LRRIQ1: variants seen among roughly 807,000 people sequenced by gnomAD.
The protein encoded by LRRIQ1 is leucine rich repeats and IQ motif containing 1.
A neutral mutation model predicts 211.9 loss-of-function variants in LRRIQ1; 210 were observed. The observed-to-expected ratio is 0.99, with a 90% confidence interval of 0.89 to 1.11. The LOEUF is 1.11. Ranked by LOEUF, LRRIQ1 falls within the 50% of genes most tolerant of loss-of-function variation. LRRIQ1 has a pLI of 0.00. For synonymous variants in LRRIQ1, 699 were observed against 650.1 expected (o/e 1.08, Z -1.14); for missense variants, 2,136 against 1,939.5 (o/e 1.10, Z -1.90).
chr12:85,091,552 G>C (rs1885394491), intron 11 of LRRIQ1, among the ~76,000 whole-genome samples: 1 of 151,944 alleles, frequency 6.6e-6, no homozygotes. Flanking sequence ...ATTGCTTTTG[G>C]GGACTTAGTC....
chr12:85,180,733 T>C (rs1891939800), intron 24 of LRRIQ1, among the ~76,000 whole-genome samples: 1 of 151,980 alleles, frequency 6.6e-6, no homozygotes, highest in African/African-American at 2.4e-5. Context: ...AATGAATGTA[T>C]TGAACTTGGC....
chr12:85,050,075 C>T (rs1880116053), intron 6 of LRRIQ1, among the ~76,000 whole-genome samples: 1 of 151,982 alleles, frequency 6.6e-6, no homozygotes, highest in Non-Finnish European at 1.5e-5. Flanking sequence ...TTTTAAATGA[C>T]CAGATCTAAT....
intron 24 of LRRIQ1, among the ~76,000 whole-genome samples, chr12:85,216,065 G>A (rs1001611738): frequency 3.3e-5 from 5 of 152,058 alleles, no homozygotes; most frequent in African/African-American, 4.8e-5. Flanking sequence ...GTACATGTGC[G>A]GAACGTGCAG....
chr12:85,170,476 T>C (rs1250556884), intron 24 of LRRIQ1, among the ~76,000 whole-genome samples: 1 of 150,540 alleles, frequency 6.6e-6, no homozygotes, highest in Non-Finnish European at 1.5e-5. Flanking sequence ...ATATTATATG[T>C]ATATATAATT....
At chr12:85,161,445 A>G (rs1592905804) in intron 24 of LRRIQ1, among the ~76,000 whole-genome samples, 1 of 152,016 alleles carries the variant, frequency 6.6e-6, no homozygotes, top group East Asian at 1.9e-4. Flanking sequence ...ATTTTAGTAT[A>G]AGTTTTTTAT....
At chr12:85,265,514 A>G (rs370990173), downstream of LRRIQ1, among the ~76,000 whole-genome samples, 5 of 152,020 alleles carry the variant, frequency 3.3e-5, no homozygotes, top group African/African-American at 7.2e-5. Flanking sequence ...TTACTTACCT[A>G]GATGGAGTTG....
intron 24 of LRRIQ1, among the ~76,000 whole-genome samples, chr12:85,205,245 T>A (rs1490866062): frequency 6.6e-6 from 1 of 152,214 alleles, no homozygotes. Context: ...CTCTTTCTTT[T>A]GTAAATTTCC....
chr12:85,108,528 A>G (rs1316173049), intron 15 of LRRIQ1, among the ~76,000 whole-genome samples: 2 of 152,028 alleles, frequency 1.3e-5, no homozygotes, highest in Non-Finnish European at 2.9e-5. Flanking sequence ...CTGAATTTAG[A>G]TGGCTTTTTC....
At chr12:85,042,761 A>G (rs1879049913) in intron 3 of LRRIQ1, among the ~76,000 whole-genome samples, 1 of 152,010 alleles carries the variant, frequency 6.6e-6, no homozygotes, top group Admixed American at 6.6e-5. Context: ...AGAGGTGGAA[A>G]GAGATTTTTC....
chr12:85,158,438 G>T (rs976088958), intron 23 of LRRIQ1, among the ~76,000 whole-genome samples: 3 of 151,144 alleles, frequency 2.0e-5, no homozygotes, highest in African/African-American at 4.9e-5. Flanking sequence ...GCAAAAAATG[G>T]GTAATAATAA....
chr12:85,074,723 T>C (rs1294455271), intron 11 of LRRIQ1, among the ~76,000 whole-genome samples: 1 of 152,080 alleles, frequency 6.6e-6, no homozygotes, highest in Admixed American at 6.6e-5. Flanking sequence ...TAAGGCAAAA[T>C]TGGTAAAACT....
chr12:85,187,402 C>A (rs541938343), intron 24 of LRRIQ1, among the ~76,000 whole-genome samples: 7 of 152,230 alleles, frequency 4.6e-5, no homozygotes, highest in African/African-American at 1.7e-4. Context: ...TCCACCAGAT[C>A]AGTGGTTTTC....
chr12:85,241,321 CAT>C (rs1895448714), intron 26 of LRRIQ1, among the ~76,000 whole-genome samples: 3 of 151,848 alleles, frequency 2.0e-5, no homozygotes, highest in Non-Finnish European at 2.9e-5. Context: ...TCCCTACCCA[CAT>C]ATGTTATATA....
Position 85,098,351 on chromosome 12 carries a change from C to G in LRRIQ1, c.2888-4C>G, listed in dbSNP as rs1239635585. 2 of 1,586,430 alleles carry G rather than the reference C, an allele frequency of 1.3e-6. No individual in the cohort carries two copies. The highest frequency in any genetic ancestry group is 2.2e-5 in the South Asian group (2 of 89,034). On this transcript the variant is annotated splice_polypyrimidine_tract_variant and splice_region_variant and intron_variant, in intron 11 of 26. Coordinates refer to ENST00000393217, the MANE Select transcript of LRRIQ1 (RefSeq NM_001079910.2). Reference sequence around the variant, plus strand: ...CAGGTGATCTTATAACTTTTTTCTTCTAGGTGGTTTAGAATCTTTGAAAAA... The same window carrying G: ...CAGGTGATCTTATAACTTTTTTCTTGTAGGTGGTTTAGAATCTTTGAAAAA...
At chr12:85,257,824 A>T (rs1255083477) in intron 1 of LRRIQ1, among the ~76,000 whole-genome samples, 1 of 151,918 alleles carries the variant, frequency 6.6e-6, no homozygotes, top group Non-Finnish European at 1.5e-5. Flanking sequence ...GAATGACAGA[A>T]TTTAGTGAAG....
At chr12:85,206,009 G>A (rs947300579) in intron 24 of LRRIQ1, among the ~76,000 whole-genome samples, 2 of 152,208 alleles carry the variant, frequency 1.3e-5, no homozygotes, top group African/African-American at 2.4e-5. Context: ...AAGGGCTGAG[G>A]TGTTCCTGGA....
intron 24 of LRRIQ1, among the ~76,000 whole-genome samples, chr12:85,212,275 A>T (rs990851338): frequency 6.6e-6 from 1 of 152,224 alleles, no homozygotes; most frequent in South Asian, 2.1e-4. Flanking sequence ...CAACCAAGGT[A>T]AGACCCTGTC....
At chr12:85,089,246 C>T (rs982453038) in intron 11 of LRRIQ1, among the ~76,000 whole-genome samples, 3 of 152,040 alleles carry the variant, frequency 2.0e-5, no homozygotes, top group Admixed American at 6.6e-5. Context: ...AGAAGTTTCT[C>T]AGTTATTTCT....
At chr12:85,263,045 G>A (rs1373670532) in exon 2 of LRRIQ1, 6 of 987,796 alleles carry the variant, frequency 6.1e-6, no homozygotes, top group Admixed American at 6.2e-5. Flanking sequence ...AAAAGAAGGC[G>A]AACATTTCCA....
Sources: gnomAD v4.1 joint callset for allele counts (sites outside exome capture counted in the v4.1 genomes callset) on GRCh38, gnomAD v4.1.1 for gene constraint, MANE v1.5 for transcripts, NCBI Gene and HGNC (gene_info 2026-07-23, HGNC 2026-07-21) for gene names.